Variants in INPP4A observed in about 807,000 individuals in gnomAD.
The protein encoded by INPP4A is inositol polyphosphate-4-phosphatase type I A, also known as inositol polyphosphate-4-phosphatase, type I, 107kD.
Under a neutral mutation model 119.8 loss-of-function variants are expected in INPP4A, and 33 were observed. The ratio of observed to expected loss-of-function variants is 0.28; its 90% CI spans 0.21 to 0.37. The LOEUF (loss-of-function observed/expected upper bound fraction) is 0.37, where lower values mean the gene tolerates loss of function less well. INPP4A is among the 10% of genes least tolerant of loss of function. The probability of loss-of-function intolerance (pLI) is 1.00; values close to 1 mark genes in which losing one functional copy is unlikely to be tolerated. For synonymous variants in INPP4A, 496 were observed against 500.7 expected, an observed-to-expected ratio of 0.99 and a Z score of 0.12; for missense variants, 956 against 1,289.9, an observed-to-expected ratio of 0.74 and a Z score of 3.97.
intron 4 of INPP4A, among the ~76,000 whole-genome samples, chr2:98,529,368 TTTG>T (rs1262800341): frequency 2.0e-5 from 3 of 152,124 alleles, no homozygotes; most frequent in African/African-American, 7.2e-5. Context: ...ATGGGTTTGG[TTTG>T]TTGTTTTTGG....
chr2:98,496,564 A>G (rs892816784), intron 1 of INPP4A, among the ~76,000 whole-genome samples: 5 of 152,218 alleles, frequency 3.3e-5, no homozygotes, highest in African/African-American at 1.2e-4. Flanking sequence ...AGCAAAGGAA[A>G]CAACAAAGTG....
rs1700132998 is a variant in INPP4A, at chr2:98,588,301, A to T, written c.*693A>T. On this transcript the variant is annotated 3_prime_UTR_variant, in exon 25 of 25. Coordinates refer to ENST00000409851, the MANE Select transcript of INPP4A (RefSeq NM_001134225.2). ...AGTTACAGAACAGGGAGTCTGCTGG[A>T]GACACAAAGCCAGCAGTAAGGTCCC... 4.9e-6 allele frequency: 1 copy of T among 203,176 alleles called. No individual in the cohort carries two copies. Among genetic ancestry groups the T allele is most frequent in the South Asian group, 1.9e-4 (1 of 5,268 alleles). 12.6% of individuals were successfully genotyped at this position (203,176 alleles called of 1,614,324 possible). A position where few individuals can be genotyped will look rare whatever the true frequency, so the allele number is the denominator to read the frequency against.
chr2:98,524,185 A>G (rs564472392), intron 4 of INPP4A, among the ~76,000 whole-genome samples: 25 of 152,330 alleles, frequency 1.6e-4, no homozygotes, highest in African/African-American at 5.8e-4. Flanking sequence ...GTTGCTGATT[A>G]TTTCCTTAGG....
chr2:98,536,040 G>T, intron 6 of INPP4A, 89 bp from the exon 7 acceptor site: 1 of 823,756 alleles, frequency 1.2e-6, no homozygotes, highest in Non-Finnish European at 2.0e-6. Context: ...GTTGTGGGAA[G>T]CAGTCAGCTG....
chr2:98,510,697 A>G lies in INPP4A; in HGVS notation c.-165-8267A>G, dbSNP rs969522330. Reference sequence around the variant, plus strand: ...AGGCCCCGCTTCTTAATACTATCACATTGATGGCTACATTTCAACATAAGG... The same window carrying G: ...AGGCCCCGCTTCTTAATACTATCACGTTGATGGCTACATTTCAACATAAGG... On this transcript the variant is annotated intron_variant, in intron 1 of 24. Transcript: ENST00000409851. Among the ~76,000 whole-genome samples, 10 of 152,286 alleles carry G rather than the reference A, an allele frequency of 6.6e-5. No homozygotes were observed. The East Asian group carries it at 1.9e-3, about 29-fold the overall frequency.
At chr2:98,564,586 C>A (rs1696092332) in intron 18 of INPP4A, 54 bp from the exon 19 acceptor site, 1 of 1,608,542 alleles carries the variant, frequency 6.2e-7, no homozygotes, top group Non-Finnish European at 8.5e-7. Context: ...GATCTGACTG[C>A]CATTTGGTGA....
intron 1 of INPP4A, among the ~76,000 whole-genome samples, chr2:98,512,391 G>C (rs1416049521): frequency 6.6e-6 from 1 of 152,206 alleles, no homozygotes; most frequent in Non-Finnish European, 1.5e-5. Flanking sequence ...GGAAGGGCAG[G>C]TGTTGACACC....
chr2:98,450,305 G>A (rs1019572294), intron 1 of INPP4A, among the ~76,000 whole-genome samples: 1 of 152,132 alleles, frequency 6.6e-6, no homozygotes, highest in Admixed American at 6.5e-5. Context: ...TCCTTCACAG[G>A]ATTGAAAAAT....
At chr2:98,561,501 C>A (rs1695467805) in intron 17 of INPP4A, among the ~76,000 whole-genome samples, 1 of 152,234 alleles carries the variant, frequency 6.6e-6, no homozygotes, top group African/African-American at 2.4e-5. Flanking sequence ...CACCTTCTAC[C>A]AAGTTCCATA....
intron 1 of INPP4A, among the ~76,000 whole-genome samples, chr2:98,447,612 G>A (rs76111899): frequency 0.015 from 2,348 of 151,968 alleles, 68 homozygotes; most frequent in African/African-American, 0.054. Flanking sequence ...ATAAGCCAAA[G>A]GTTTCTCAGA....
chr2:98,517,240 A>G (rs545015206), intron 1 of INPP4A, among the ~76,000 whole-genome samples: 75 of 152,246 alleles, frequency 4.9e-4, no homozygotes, highest in Middle Eastern at 3.4e-3. Flanking sequence ...GACTCATCCC[A>G]TTGTTTCATC....
intron 1 of INPP4A, among the ~76,000 whole-genome samples, chr2:98,473,417 T>G (rs1309774173): frequency 4.9e-4 from 50 of 102,084 alleles, no homozygotes; most frequent in South Asian, 1.0e-3. Flanking sequence ...TGGAGAGTGT[T>G]GAGGGCAGTG....
At chr2:98,449,472 G>A (rs1450337354) in intron 1 of INPP4A, among the ~76,000 whole-genome samples, 3 of 152,166 alleles carry the variant, frequency 2.0e-5, no homozygotes, top group Non-Finnish European at 2.9e-5. Context: ...AGTCCCTTCA[G>A]TCTGGCTTTT....
Position 98,587,461 on chromosome 2 carries a change from T to G in INPP4A, c.2787-15T>G. 6.4e-7 allele frequency: 1 copy of G among 1,565,658 alleles called. No individual in the cohort carries two copies. The highest frequency in any genetic ancestry group is 8.6e-7 in the Non-Finnish European group (1 of 1,159,390). Reference sequence around the variant, plus strand: ...TTTTTACTGCCGTCATTTCTTGTGCTTGTTTTTTCCCCAGTGAGGGTTGTC... The same window carrying G: ...TTTTTACTGCCGTCATTTCTTGTGCGTGTTTTTTCCCCAGTGAGGGTTGTC... On this transcript the variant is annotated splice_polypyrimidine_tract_variant and intron_variant, in intron 24 of 24. Transcript: ENST00000409851.
rs1574889825 is a variant in INPP4A, at chr2:98,521,053, A to G, written c.151+322A>G. The G allele has an allele frequency of 1.2e-5, 3 of 248,648 alleles. No homozygotes were observed. The South Asian group carries it at 2.6e-4, about 22-fold the overall frequency. The allele number at this position is 248,648 out of a possible 1,614,324, so 15.4% of individuals were successfully genotyped here. The stretch of plus-strand genomic sequence containing the variant: ...CAGAGACCCTCCCCACCCCCACCCC[A>G]ATGGGGGAAAGGGAAGGAGGGGTTG... On this transcript the variant is annotated intron_variant, in intron 4 of 24. Coordinates refer to ENST00000409851, the MANE Select transcript of INPP4A (RefSeq NM_001134225.2).
intron 20 of INPP4A, 64 bp downstream of exon 20, chr2:98,565,830 A>G: frequency 6.3e-7 from 1 of 1,585,814 alleles, no homozygotes; most frequent in Admixed American, 1.9e-5. Flanking sequence ...TATCTCAGGG[A>G]AGGTACTCTT....
At chr2:98,534,124 G>A (rs1428919023) in intron 5 of INPP4A, among the ~76,000 whole-genome samples, 3 of 152,206 alleles carry the variant, frequency 2.0e-5, no homozygotes, top group Non-Finnish European at 4.4e-5. Flanking sequence ...CACCAGTTGT[G>A]CATTTTGGAA....
Position 98,539,617 on chromosome 2 carries a change from C to T in INPP4A, c.760C>T (p.Leu254Phe). 1.9e-6 allele frequency: 3 copies of T among 1,611,878 alleles called. No individual in the cohort carries two copies. Among genetic ancestry groups the T allele is most frequent in the Non-Finnish European group, 2.5e-6 (3 of 1,178,960 alleles). ...CCTGGAGCAGATGGCAGAGAGCGTG[C>T]TCTCCCTGCACGTGCCCCGGCAGTT... ...RILEQMAESV[L>F]SLHVPRQFVK... Residue 254 changes from leucine to phenylalanine, a missense_variant, in exon 10 of 25, where the codon CTC becomes TTC. Coordinates refer to ENST00000409851, the MANE Select transcript of INPP4A (RefSeq NM_001134225.2).
Position 98,592,749 on chromosome 2 carries a change from T to A in INPP4A, c.*5141T>A. The A allele has an allele frequency of 6.6e-6, 1 of 152,420 alleles. No homozygotes were observed. 9.4% of individuals were successfully genotyped at this position (152,420 alleles called of 1,614,324 possible). On this transcript the variant is annotated 3_prime_UTR_variant, in exon 25 of 25. Coordinates refer to ENST00000409851, the MANE Select transcript of INPP4A (RefSeq NM_001134225.2). Reference sequence around the variant, plus strand: ...ATAGTGGCCCTGGCTGCAACTGACCTCCTGATGCCCTGCTGACGCTAACTG... The same window carrying A: ...ATAGTGGCCCTGGCTGCAACTGACCACCTGATGCCCTGCTGACGCTAACTG...
Sources: allele counts gnomAD v4.1 joint callset (sites outside exome capture counted in the v4.1 genomes callset), GRCh38; gene constraint gnomAD v4.1.1; transcripts MANE v1.5; gene names NCBI Gene and HGNC (gene_info 2026-07-23, HGNC 2026-07-21).